Variants in IRAK4 observed in about 807,000 individuals in gnomAD.
The protein encoded by IRAK4 is interleukin 1 receptor associated kinase 4, also known as interleukin-1 receptor-associated kinase 4.
A neutral mutation model predicts 51.8 loss-of-function variants in IRAK4; 44 were observed. The ratio of observed to expected loss-of-function variants is 0.85; its 90% confidence interval spans 0.67 to 1.09. IRAK4 has a LOEUF of 1.09. IRAK4 is among the 50% of genes least tolerant of loss of function. The probability of loss-of-function intolerance (pLI) is 0.00; values close to 1 mark genes in which losing one functional copy is unlikely to be tolerated. For missense variants in IRAK4, 487 were observed against 538.0 expected, an observed-to-expected ratio of 0.91 and a Z score of 0.94; for synonymous variants, 149 against 174.1, an observed-to-expected ratio of 0.86 and a Z score of 1.13.
chr12:43,762,085 C>G (rs778425370), intron 1 of IRAK4, among the ~76,000 whole-genome samples: 16 of 151,918 alleles, frequency 1.1e-4, no homozygotes, highest in Non-Finnish European at 2.2e-4. Flanking sequence ...TTCAGAAAAG[C>G]AAAATGAAAA....
intron 10 of IRAK4, among the ~76,000 whole-genome samples, chr12:43,784,423 C>T (rs1592262547): frequency 6.6e-6 from 1 of 152,270 alleles, no homozygotes; most frequent in African/African-American, 2.4e-5. Flanking sequence ...AGCTCAGTCC[C>T]CAAGACTGCC....
chr12:43,785,638 T>TTATA (rs202111217), intron 10 of IRAK4, among the ~76,000 whole-genome samples: 5 of 145,440 alleles, frequency 3.4e-5, no homozygotes, highest in South Asian at 2.1e-4. Flanking sequence ...ATATATATAT[T>TTATA]TATATATATA....
chr12:43,772,288 A>C lies in IRAK4; in HGVS notation c.416A>C (p.Gln139Pro). The C allele has an allele frequency of 6.2e-7, 1 of 1,613,940 alleles. No individual in the cohort carries two copies. The highest frequency in any genetic ancestry group is 1.3e-5 in the African/African-American group (1 of 75,070). ...DKDRTLMTPV[Q>P]NLEQSYMPPD... is the part of the protein sequence containing the mutation. ...GACAGGACATTGATGACACCTGTGC[A>C]GAATCTTGAACAAAGCTATATGCCA... The change falls in exon 4 of 12, where the codon CAG becomes CCG. Residue 139 changes from glutamine to proline, a missense_variant. Physicochemically the swap from Gln to Pro is moderately conservative, Grantham distance 76. Transcript: ENST00000613694.
chr12:43,772,654 G>T lies in IRAK4; in HGVS notation c.491-258G>T, dbSNP rs906348607. Among the ~76,000 whole-genome samples, 3 of 152,160 alleles carry T rather than the reference G, an allele frequency of 2.0e-5. No homozygotes were observed. In the South Asian group the frequency reaches 6.2e-4, roughly 32 times the overall value. Reference sequence around the variant, plus strand: ...ATAAAATATGTGACTAGAGTTTTGGGTAGGTAGACTAGACCCACTCAAATG... The same window carrying T: ...ATAAAATATGTGACTAGAGTTTTGGTTAGGTAGACTAGACCCACTCAAATG... On this transcript the variant is annotated intron_variant, in intron 4 of 11. Coordinates refer to ENST00000613694, the MANE Select transcript of IRAK4 (RefSeq NM_016123.4).
chr12:43,786,094 C>T (rs559674203), intron 10 of IRAK4, among the ~76,000 whole-genome samples: 5 of 148,128 alleles, frequency 3.4e-5, no homozygotes, highest in Admixed American at 1.4e-4. Flanking sequence ...GCTGGAGTGG[C>T]GTGATCTCGG....
Position 43,783,707 on chromosome 12 carries a change from C to A in IRAK4, c.1171C>A (p.Arg391Ser), listed in dbSNP as rs114820168. Residue 391 changes from arginine (R) to serine (S), a missense_variant, in exon 10 of 12, where the codon CGT becomes AGT. Coordinates refer to ENST00000613694, the MANE Select transcript of IRAK4 (RefSeq NM_016123.4). The part of the protein sequence containing the change: ...ITGLPAVDEH[R>S]EPQLLLDIKE... ...TGGACTTCCAGCTGTGGATGAACAC[C>A]GTGAACCTCAGTTATTGGTAAATGA... 1 of 1,606,260 alleles carries A rather than the reference C, an allele frequency of 6.2e-7. No individual in the cohort carries two copies. Among genetic ancestry groups the A allele is most frequent in the East Asian group, 2.2e-5 (1 of 44,830 alleles).
intron 1 of IRAK4, chr12:43,759,410 A>G (rs1939182121): frequency 6.6e-6 from 1 of 152,290 alleles, no homozygotes; most frequent in Non-Finnish European, 1.5e-5. Flanking sequence ...TGGCGCCAGC[A>G]GCTCGCTGAG....
intron 1 of IRAK4, among the ~76,000 whole-genome samples, chr12:43,759,890 A>G (rs901052467): frequency 2.7e-5 from 4 of 148,336 alleles, no homozygotes; most frequent in African/African-American, 1.0e-4. Context: ...AAAAAAAAAA[A>G]GCAAACCCTG....
intron 1 of IRAK4, among the ~76,000 whole-genome samples, chr12:43,762,175 A>T (rs1939631407): frequency 6.6e-6 from 1 of 152,224 alleles, no homozygotes; most frequent in Non-Finnish European, 1.5e-5. Flanking sequence ...TGTGGTTGGG[A>T]GTGGTATATG....
At chr12:43,774,795 A>C (rs1409417565) in intron 6 of IRAK4, among the ~76,000 whole-genome samples, 1 of 152,230 alleles carries the variant, frequency 6.6e-6, no homozygotes, top group Non-Finnish European at 1.5e-5. Context: ...CAGGAAAAGT[A>C]GGAGGGACAA....
At position 43,772,393 on chromosome 12, in the gene IRAK4, G is replaced by C. The variant is rs369288489; in HGVS notation, c.490+31G>C. 3.1e-5 allele frequency: 49 copies of C among 1,583,396 alleles called. No homozygotes were observed. The African/African-American group carries it at 6.2e-4, about 20-fold the overall frequency. On this transcript the variant is annotated intron_variant, in intron 4 of 11. Transcript: ENST00000613694. ...TAACATTTTCAGTGCTTTCCACTAG[G>C]GATTTGTCATTAAGACTACCAGTGC...
intron 3 of IRAK4, among the ~76,000 whole-genome samples, chr12:43,771,828 A>G (rs996809297): frequency 1.3e-5 from 2 of 152,108 alleles, no homozygotes; most frequent in African/African-American, 2.4e-5. Context: ...TTTATCATGC[A>G]TAAGAATCAC....
In IRAK4 at chr12:43,778,315, G is replaced by C. The variant is rs1367639802; in HGVS notation, c.941+13G>C. 7 of 1,409,284 alleles carry C rather than the reference G, an allele frequency of 5.0e-6. No homozygotes were observed. The highest frequency in any genetic ancestry group is 7.0e-6 in the Non-Finnish European group (7 of 993,728). 87.3% of individuals were successfully genotyped at this position (1,409,284 alleles called of 1,614,324 possible). A position where few individuals can be genotyped will look rare whatever the true frequency, so the allele number is the denominator to read the frequency against. ...GAGATATTAAAAGGTAAATGCTACT[G>C]TTTAAAAGTTTTTGGAAAGCTGTCT... On this transcript the variant is annotated intron_variant, in intron 8 of 11. Coordinates refer to ENST00000613694, the MANE Select transcript of IRAK4 (RefSeq NM_016123.4).
intron 8 of IRAK4, among the ~76,000 whole-genome samples, chr12:43,779,952 G>A (rs979351848): frequency 6.6e-6 from 1 of 152,174 alleles, no homozygotes; most frequent in Non-Finnish European, 1.5e-5. Context: ...AAGGTCACAA[G>A]ATTAAGTCTT....
chr12:43,762,693 T>C (rs1939693006), intron 1 of IRAK4, among the ~76,000 whole-genome samples: 1 of 152,168 alleles, frequency 6.6e-6, no homozygotes, highest in Admixed American at 6.5e-5. Flanking sequence ...GAAGAATGAC[T>C]AGGTGACATT....
chr12:43,776,990 G>T (rs1941335064), intron 6 of IRAK4, among the ~76,000 whole-genome samples: 1 of 152,172 alleles, frequency 6.6e-6, no homozygotes, highest in Non-Finnish European at 1.5e-5. Flanking sequence ...AATCTTATTT[G>T]TGCCATCATT....
chr12:43,777,859 A>G (rs1565678332), intron 7 of IRAK4, 115 bp downstream of exon 7: 1 of 905,552 alleles, frequency 1.1e-6, no homozygotes, highest in Non-Finnish European at 1.8e-6. Flanking sequence ...TTCCTGCTCT[A>G]TGAAAATTAT....
At chr12:43,784,326 G>A (rs1942031125) in intron 10 of IRAK4, among the ~76,000 whole-genome samples, 1 of 152,164 alleles carries the variant, frequency 6.6e-6, no homozygotes, top group South Asian at 2.1e-4. Flanking sequence ...AATCTACTTT[G>A]CAGCGGAAGT....
Position 43,786,564 on chromosome 12 carries a change from A to AT in IRAK4, c.1347+13dup, listed in dbSNP as rs751119487. 1.2e-6 allele frequency: 2 copies of AT among 1,613,088 alleles called. No homozygotes were observed. The highest frequency in any genetic ancestry group is 1.1e-5 in the South Asian group (1 of 91,004). On this transcript the variant is annotated splice_region_variant and intron_variant, in intron 11 of 11. Coordinates refer to ENST00000613694, the MANE Select transcript of IRAK4 (RefSeq NM_016123.4). Reference sequence around the variant, plus strand: ...GAGACCAGACATTAAGAAGGTATGCATTTTTTATACTTATTTAAAAAGTGA... The same window carrying AT: ...GAGACCAGACATTAAGAAGGTATGCATTTTTTTATACTTATTTAAAAAGTGA...
Sources: gnomAD v4.1 joint callset for allele counts (sites outside exome capture counted in the v4.1 genomes callset) on GRCh38, gnomAD v4.1.1 for gene constraint, MANE v1.5 for transcripts, NCBI Gene and HGNC (gene_info 2026-07-23, HGNC 2026-07-21) for gene names.